The following CDH13 variants were observed in gnomAD, a reference collection of about 807,000 sequenced individuals.
The protein encoded by CDH13 is cadherin 13.
A neutral mutation model predicts 63.8 loss-of-function variants in CDH13; 24 were observed. The observed-to-expected ratio is 0.38, with a 90% confidence interval of 0.27 to 0.53. The LOEUF is 0.53. CDH13 is among the 20% of genes least tolerant of loss of function. The pLI is 0.85. For missense variants in CDH13, 1,049 were observed against 903.1 expected (o/e 1.16, Z -2.07); for synonymous variants, 503 against 355.3 (o/e 1.42, Z -4.67).
At chr16:83,529,568 A>AT (rs897965259) in intron 7 of CDH13, among the ~76,000 whole-genome samples, 11 of 152,124 alleles carry the variant, frequency 7.2e-5, no homozygotes, top group Non-Finnish European at 1.5e-4. Context: ...TGTGCATGCC[A>AT]TTTTTTTGTG....
intron 8 of CDH13, among the ~76,000 whole-genome samples, chr16:83,626,641 C>T (rs1260196747): frequency 6.6e-6 from 1 of 152,024 alleles, no homozygotes; most frequent in Non-Finnish European, 1.5e-5. Context: ...TCAACGTTGT[C>T]CTCTGCCCCC....
chr16:83,736,970 T>C (rs936222377), intron 10 of CDH13, among the ~76,000 whole-genome samples: 6 of 152,112 alleles, frequency 3.9e-5, no homozygotes, highest in African/African-American at 1.4e-4. Context: ...GCCCAGGAAA[T>C]GTCAGTTCCA....
intron 2 of CDH13, among the ~76,000 whole-genome samples, chr16:82,951,196 T>C (rs1319816361): frequency 6.6e-6 from 1 of 152,106 alleles, no homozygotes. Context: ...CAAAAGTCAG[T>C]GGAATCATTG....
intron 6 of CDH13, among the ~76,000 whole-genome samples, chr16:83,482,326 C>A (rs1172068050): frequency 6.6e-6 from 1 of 152,126 alleles, no homozygotes; most frequent in Non-Finnish European, 1.5e-5. Context: ...CCATGTGGCC[C>A]ATCACAAAAA....
At chr16:83,018,147 T>G (rs1226431029) in intron 2 of CDH13, among the ~76,000 whole-genome samples, 1 of 152,206 alleles carries the variant, frequency 6.6e-6, no homozygotes, top group Non-Finnish European at 1.5e-5. Flanking sequence ...ACCTTTGCAC[T>G]ATGGGTGGCT....
intron 8 of CDH13, among the ~76,000 whole-genome samples, chr16:83,620,389 CAAAAA>C (rs60446363): frequency 2.1e-5 from 2 of 97,362 alleles, no homozygotes; most frequent in Non-Finnish European, 2.0e-5. Context: ...GACTCCGTCT[CAAAAA>C]AAAAAAAAAA....
intron 4 of CDH13, among the ~76,000 whole-genome samples, chr16:83,146,206 A>AAAAAAAG (rs1472391722): frequency 0.047 from 6,919 of 147,118 alleles, 667 homozygotes; most frequent in African/African-American, 0.17. Flanking sequence ...AAAAAAAAAA[A>AAAAAAAG]AAAAGAAAAG....
At chr16:83,549,242 A>T (rs1025865999) in intron 7 of CDH13, among the ~76,000 whole-genome samples, 1 of 152,130 alleles carries the variant, frequency 6.6e-6, no homozygotes, top group African/African-American at 2.4e-5. Context: ...AGCACCTGTG[A>T]GTTGGTTCCG....
chr16:82,639,315 G>C (rs12444222), intron 1 of CDH13: 2 of 1,383,748 alleles, frequency 1.4e-6, no homozygotes, highest in Non-Finnish European at 2.0e-6. Flanking sequence ...GGGTCAGCCC[G>C]GGGTCATTTG....
At chr16:82,897,402 A>T (rs184526557) in intron 2 of CDH13, among the ~76,000 whole-genome samples, 1 of 152,312 alleles carries the variant, frequency 6.6e-6, no homozygotes, top group East Asian at 1.9e-4. Flanking sequence ...GAATGAATGA[A>T]AGAATTACTC....
At chr16:83,021,001 C>A (rs747340463) in intron 2 of CDH13, among the ~76,000 whole-genome samples, 1 of 152,198 alleles carries the variant, frequency 6.6e-6, no homozygotes, top group Non-Finnish European at 1.5e-5. Context: ...GAGACTTTTA[C>A]ACATAATTGC....
At chr16:82,916,342 G>T (rs953837855) in intron 2 of CDH13, among the ~76,000 whole-genome samples, 1 of 152,172 alleles carries the variant, frequency 6.6e-6, no homozygotes, top group Admixed American at 6.5e-5. Flanking sequence ...TTGGGAGGCC[G>T]AAGCGAGTGG....
At chr16:82,729,671 A>G (rs1416078925) in intron 1 of CDH13, among the ~76,000 whole-genome samples, 1 of 152,190 alleles carries the variant, frequency 6.6e-6, no homozygotes, top group Non-Finnish European at 1.5e-5. Flanking sequence ...TTCAACTAAA[A>G]GTCACTGGCT....
intron 1 of CDH13, among the ~76,000 whole-genome samples, chr16:82,645,414 G>A (rs977513735): frequency 6.6e-6 from 1 of 152,136 alleles, no homozygotes; most frequent in African/African-American, 2.4e-5. Context: ...GCTCTCAACT[G>A]TTGGGGTGAG....
At chr16:83,766,272 T>C (rs1914380248) in intron 11 of CDH13, among the ~76,000 whole-genome samples, 3 of 152,202 alleles carry the variant, frequency 2.0e-5, no homozygotes. Context: ...AGCAAACTTA[T>C]GGAAATACAA....
intron 2 of CDH13, among the ~76,000 whole-genome samples, chr16:82,876,145 A>G (rs1380320779): frequency 6.6e-6 from 1 of 152,230 alleles, no homozygotes; most frequent in Non-Finnish European, 1.5e-5. Context: ...TGACATGTAA[A>G]TAGTGGGAGT....
intron 1 of CDH13, among the ~76,000 whole-genome samples, chr16:82,831,259 C>A (rs745374765): frequency 6.6e-6 from 1 of 152,150 alleles, no homozygotes; most frequent in Non-Finnish European, 1.5e-5. Flanking sequence ...CAATCATTAG[C>A]ATTTCAGAAA....
chr16:83,020,908 A>G (rs889474709), intron 2 of CDH13, among the ~76,000 whole-genome samples: 1 of 152,220 alleles, frequency 6.6e-6, no homozygotes, highest in Non-Finnish European at 1.5e-5. Flanking sequence ...GACAACCCCA[A>G]CTGCAAGGCC....
rs145027651 is a variant in CDH13 at position 83,316,288 on chromosome 16, G to A, written c.637-28574G>A. On this transcript the variant is annotated intron_variant, in intron 5 of 13. Transcript: ENST00000567109. Reference sequence around the variant, plus strand: ...TGAGATTTAGGTGTGTGACACAGAGGCAGACCATATCACACATACACACAC... The same window carrying A: ...TGAGATTTAGGTGTGTGACACAGAGACAGACCATATCACACATACACACAC... Among the ~76,000 whole-genome samples the A allele has an allele frequency of 3.7e-4, 57 of 152,272 alleles. 2 individuals carry two copies. The highest frequency in any genetic ancestry group is 1.3e-3 in the African/African-American group (53 of 41,546).
Sources: gnomAD v4.1 joint callset for allele counts (sites outside exome capture counted in the v4.1 genomes callset) on GRCh38, gnomAD v4.1.1 for gene constraint, MANE v1.5 for transcripts, NCBI Gene and HGNC (gene_info 2026-07-23, HGNC 2026-07-21) for gene names.